The following HSDL2 variants were observed in gnomAD, a reference collection of about 807,000 sequenced individuals.
HSDL2 encodes hydroxysteroid dehydrogenase-like protein 2.
A neutral mutation model predicts 46.3 loss-of-function variants in HSDL2; 27 were observed. The observed-to-expected ratio is 0.58, with a 90% CI of 0.43 to 0.80. HSDL2 has a LOEUF of 0.80. Among genes scored for constraint, HSDL2 ranks in the 30% least tolerant of loss-of-function variants. The probability of loss-of-function intolerance (pLI) is 0.00; values close to 1 mark genes in which losing one functional copy is unlikely to be tolerated. For missense variants in HSDL2, 451 were observed against 502.7 expected, an observed-to-expected ratio of 0.90 and a Z score of 0.98; for synonymous variants, 153 against 163.6, an observed-to-expected ratio of 0.94 and a Z score of 0.50.
At chr9:112,451,182 C>G (rs907968218) in intron 8 of HSDL2, among the ~76,000 whole-genome samples, 1 of 151,912 alleles carries the variant, frequency 6.6e-6, no homozygotes, top group African/African-American at 2.4e-5. Context: ...AAGCCCATCT[C>G]AAAAAACAGA....
In HSDL2 at chr9:112,408,931, C is replaced by T; in HGVS notation, c.305C>T (p.Ala102Val). ...GGAATTGATATTCTGGTAAATAATGCCAGTGCCATTAGTTTGACCAATACA... is the reference window on the plus strand; with the variant it reads ...GGAATTGATATTCTGGTAAATAATGTCAGTGCCATTAGTTTGACCAATACA... ...FGGIDILVNN[A>V]SAISLTNTLD... The change falls in exon 4 of 11, where the codon GCC (alanine) becomes GTC (valine). Residue 102 changes from alanine (A) to valine (V), a missense_variant. Physicochemically the swap from Ala to Val is moderately conservative, Grantham distance 64 (BLOSUM62 0). Coordinates refer to ENST00000398805, the MANE Select transcript of HSDL2 (RefSeq NM_032303.5). 6.4e-7 allele frequency: 1 copy of T among 1,559,394 alleles called. No individual in the cohort carries two copies. Among genetic ancestry groups the T allele is most frequent in the South Asian group, 1.1e-5 (1 of 87,136 alleles).
intron 10 of HSDL2, among the ~76,000 whole-genome samples, chr9:112,467,723 CCTG>C (rs1226444343): frequency 2.3e-4 from 35 of 152,298 alleles, no homozygotes; most frequent in African/African-American, 8.4e-4. Flanking sequence ...GCAAAGTCTT[CCTG>C]TACTCTTCCC....
At chr9:112,466,898 G>C (rs1340188331) in intron 10 of HSDL2, among the ~76,000 whole-genome samples, 1 of 152,186 alleles carries the variant, frequency 6.6e-6, no homozygotes, top group Non-Finnish European at 1.5e-5. Flanking sequence ...TGGATATCCA[G>C]TTATCCCAGC....
chr9:112,425,595 C>G (rs1832225440), intron 6 of HSDL2, among the ~76,000 whole-genome samples: 1 of 118,054 alleles, frequency 8.5e-6, no homozygotes. Flanking sequence ...ATCTTTTCTT[C>G]TGTGAGAGCC....
At chr9:112,413,509 G>A (rs57483679) in intron 4 of HSDL2, among the ~76,000 whole-genome samples, 41,984 of 151,318 alleles carry the variant, frequency 0.28, 5,995 homozygotes, top group Middle Eastern at 0.39. Context: ...AAAAAGAAAA[G>A]AAAAGAAATA....
chr9:112,462,640 GTA>G (rs1466044035), intron 10 of HSDL2, among the ~76,000 whole-genome samples: 1 of 129,392 alleles, frequency 7.7e-6, no homozygotes, highest in East Asian at 2.3e-4. Flanking sequence ...GTGTGTGTGT[GTA>G]TAAAACATTG....
At chr9:112,465,920 G>T (rs577168408) in intron 10 of HSDL2, among the ~76,000 whole-genome samples, 1 of 152,204 alleles carries the variant, frequency 6.6e-6, no homozygotes, top group Admixed American at 6.5e-5. Context: ...AGAATTCTAG[G>T]TCATAATATA....
intron 1 of HSDL2, among the ~76,000 whole-genome samples, chr9:112,398,607 G>A (rs1316033815): frequency 6.6e-6 from 1 of 152,026 alleles, no homozygotes; most frequent in East Asian, 1.9e-4. Flanking sequence ...GGAAACCTGA[G>A]GAAGAGGTAG....
chr9:112,424,978 CTG>C (rs1165890727), intron 6 of HSDL2, among the ~76,000 whole-genome samples: 1 of 151,936 alleles, frequency 6.6e-6, no homozygotes, highest in African/African-American at 2.4e-5. Context: ...AAAGTGACAA[CTG>C]TGTTTCTGCC....
intron 5 of HSDL2, among the ~76,000 whole-genome samples, chr9:112,418,562 CAA>C (rs59788116): frequency 9.4e-5 from 12 of 127,678 alleles, no homozygotes; most frequent in Non-Finnish European, 1.0e-4. Context: ...CAGCCTGTCT[CAA>C]AAAAAAAAAA....
chr9:112,392,212 GACT>G lies in HSDL2; in HGVS notation c.18-11778_18-11776del, dbSNP rs1247275581. ...ACATGCTTCAAAGGGTGAAAAGCAG[GACT>G]ACTAATAAGGGTCTAACAAAGATCA... is the stretch of plus-strand genomic sequence containing the variant. On this transcript the variant is annotated intron_variant, in intron 1 of 10. Coordinates refer to ENST00000398805, the MANE Select transcript of HSDL2 (RefSeq NM_032303.5). Among the ~76,000 whole-genome samples, 4 of 151,600 alleles carry G rather than the reference GACT, an allele frequency of 2.6e-5. No individual in the cohort carries two copies. The East Asian group carries it at 7.7e-4, about 29-fold the overall frequency.
chr9:112,380,561 A>G (rs1219699949), intron 1 of HSDL2, among the ~76,000 whole-genome samples: 2 of 152,082 alleles, frequency 1.3e-5, no homozygotes, highest in East Asian at 3.9e-4. Flanking sequence ...AAGAGTTTTC[A>G]CTTGTTCCTG....
chr9:112,399,373 GA>G (rs971174334), intron 1 of HSDL2, among the ~76,000 whole-genome samples: 2 of 152,166 alleles, frequency 1.3e-5, no homozygotes, highest in Non-Finnish European at 2.9e-5. Context: ...GTCTAACAAA[GA>G]TTACAGGGCA....
chr9:112,401,864 T>A (rs1831607854), intron 1 of HSDL2, among the ~76,000 whole-genome samples: 1 of 152,196 alleles, frequency 6.6e-6, no homozygotes, highest in Admixed American at 6.5e-5. Context: ...GCTTTTTATA[T>A]GTGTGCTATA....
intron 7 of HSDL2, among the ~76,000 whole-genome samples, chr9:112,440,041 C>T (rs918471805): frequency 2.0e-5 from 3 of 152,142 alleles, no homozygotes; most frequent in Admixed American, 2.0e-4. Flanking sequence ...AAAACAGGCT[C>T]AGAGAGATTG....
chr9:112,406,748 G>A (rs912554835), intron 3 of HSDL2, among the ~76,000 whole-genome samples: 15 of 152,188 alleles, frequency 9.9e-5, no homozygotes, highest in Admixed American at 2.6e-4. Flanking sequence ...GATTACAGGC[G>A]TGAGCCACCG....
intron 9 of HSDL2, among the ~76,000 whole-genome samples, chr9:112,454,669 G>A (rs1360640205): frequency 2.0e-5 from 3 of 152,040 alleles, no homozygotes; most frequent in South Asian, 2.1e-4. Flanking sequence ...TCGGTCTGAC[G>A]GTAGTCAGCT....
intron 3 of HSDL2, among the ~76,000 whole-genome samples, chr9:112,406,969 G>A (rs376988795): frequency 3.9e-5 from 6 of 152,142 alleles, no homozygotes; most frequent in African/African-American, 1.4e-4. Flanking sequence ...CTAATGTTCT[G>A]GAGGACCATA....
chr9:112,407,249 C>T (rs1168222837), intron 3 of HSDL2, among the ~76,000 whole-genome samples: 4 of 152,164 alleles, frequency 2.6e-5, no homozygotes, highest in East Asian at 1.9e-4. Context: ...AAATGTGCCA[C>T]GCTCAAATGC....
Sources: gnomAD v4.1 joint callset for allele counts (sites outside exome capture counted in the v4.1 genomes callset) on GRCh38, gnomAD v4.1.1 for gene constraint, MANE v1.5 for transcripts, NCBI Gene and HGNC (gene_info 2026-07-23, HGNC 2026-07-21) for gene names.